GINS4: variants seen among roughly 807,000 people sequenced by gnomAD.
The protein encoded by GINS4 is DNA replication complex GINS protein SLD5.
In GINS4, 20 loss-of-function variants were observed where a neutral mutation model predicts 31.1. The observed-to-expected ratio is 0.64, with a 90% confidence interval of 0.45 to 0.93. The LOEUF is 0.93. Ranked by LOEUF, GINS4 falls within the 40% of genes least tolerant of loss-of-function variation. The pLI, the probability that GINS4 is intolerant of heterozygous loss-of-function variation, is 0.00. For missense variants in GINS4, 245 were observed against 273.9 expected (o/e 0.89, Z 0.75); for synonymous variants, 85 against 97.9 (o/e 0.87, Z 0.78).
At chr8:41,539,632 T>C in intron 4 of GINS4, 46 bp from the exon 5 acceptor site, 1 of 1,339,850 alleles carries the variant, frequency 7.5e-7, no homozygotes, top group Non-Finnish European at 1.1e-6. Context: ...TCCTTCTCTT[T>C]GACTTTTGCC....
At chr8:41,538,962 G>T (rs936560622) in intron 4 of GINS4, among the ~76,000 whole-genome samples, 12 of 151,366 alleles carry the variant, frequency 7.9e-5, no homozygotes, top group Non-Finnish European at 8.8e-5. Context: ...GCCTCCCAAA[G>T]TGCGGGGATT....
Position 41,544,334 on chromosome 8 carries a change from G to A in GINS4, c.*2247G>A, listed in dbSNP as rs911216611. Reference sequence around the variant, plus strand: ...GGTCCCCCACAGTCCTGAGAAGCGGGCAGGGCTGTGGGAAACAGCAGATAT... The same window carrying A: ...GGTCCCCCACAGTCCTGAGAAGCGGACAGGGCTGTGGGAAACAGCAGATAT... On this transcript the variant is annotated 3_prime_UTR_variant, in exon 8 of 8. Coordinates refer to ENST00000276533, the MANE Select transcript of GINS4 (RefSeq NM_032336.3). 6.6e-6 allele frequency: 1 copy of A among 152,194 alleles called. No homozygotes were observed. The highest frequency in any genetic ancestry group is 2.4e-5 in the African/African-American group (1 of 41,444). The allele number at this position is 152,194 out of a possible 1,614,324, so 9.4% of individuals were successfully genotyped here.
rs58647376 is a variant in GINS4 at position 41,539,333 on chromosome 8, A to AAC, written c.298-344_298-343insCA. On this transcript the variant is annotated intron_variant, in intron 4 of 7. Transcript: ENST00000276533. ...AGACTCCATCTCAAAAAAAAAAAAA[A>AAC]AAAAAAAAAACCTTATGTGATTATT... Among the ~76,000 whole-genome samples the AAC allele has an allele frequency of 4.4e-4, 65 of 148,360 alleles. 1 individual carries two copies. The highest frequency in any genetic ancestry group is 7.4e-4 in the African/African-American group (30 of 40,586).
At chr8:41,538,447 C>T (rs1393793075) in intron 4 of GINS4, among the ~76,000 whole-genome samples, 5 of 152,164 alleles carry the variant, frequency 3.3e-5, no homozygotes, top group African/African-American at 1.2e-4. Context: ...TTGACAGGTA[C>T]GCTGCCTGAG....
chr8:41,542,171 C>T lies in GINS4; in HGVS notation c.*84C>T, dbSNP rs958180209. Reference sequence around the variant, plus strand: ...GGCCGAGGCGGGCGGATCATGAGGTCAGGAGTTCGAGACCAACCGACCAAC... The same window carrying T: ...GGCCGAGGCGGGCGGATCATGAGGTTAGGAGTTCGAGACCAACCGACCAAC... On this transcript the variant is annotated 3_prime_UTR_variant, in exon 8 of 8. Transcript: ENST00000276533. 1.0e-6 allele frequency: 1 copy of T among 997,362 alleles called. No individual in the cohort carries two copies. Among genetic ancestry groups the T allele is most frequent in the Non-Finnish European group, 1.6e-6 (1 of 624,562 alleles). 61.8% of individuals were successfully genotyped at this position (997,362 alleles called of 1,614,324 possible).
intron 2 of GINS4, among the ~76,000 whole-genome samples, chr8:41,531,445 C>T (rs1437717303): frequency 6.6e-6 from 1 of 152,150 alleles, no homozygotes; most frequent in Non-Finnish European, 1.5e-5. Context: ...CTCTAACTGC[C>T]CCTTTCCAGA....
intron 1 of GINS4, 176 bp from the exon 2 acceptor site, chr8:41,530,008 T>C: frequency 1.8e-6 from 1 of 548,524 alleles, no homozygotes; most frequent in Non-Finnish European, 3.2e-6. Context: ...ACCTAAGCCT[T>C]GGAGGAAGAG....
intron 2 of GINS4, among the ~76,000 whole-genome samples, chr8:41,532,600 C>T (rs1402409937): frequency 1.3e-5 from 2 of 151,974 alleles, no homozygotes; most frequent in Non-Finnish European, 2.9e-5. Flanking sequence ...TTTGGGAGAC[C>T]GAGAGGGGCG....
At position 41,541,789 on chromosome 8, in the gene GINS4, C is replaced by T; in HGVS notation, c.485-20C>T. On this transcript the variant is annotated intron_variant, in intron 6 of 7. Transcript: ENST00000276533. ...TTGTTGGCCGAGGATTTCCTAATCA[C>T]ATTGTTGTTTTCCTGGCAGTTCCCA... 6.3e-7 allele frequency: 1 copy of T among 1,595,610 alleles called. No homozygotes were observed. The highest frequency in any genetic ancestry group is 1.1e-5 in the South Asian group (1 of 90,516).
chr8:41,539,219 C>G (rs1009258125), intron 4 of GINS4, among the ~76,000 whole-genome samples: 12 of 145,892 alleles, frequency 8.2e-5, no homozygotes, highest in Admixed American at 7.1e-4. Context: ...ACTTGGGAGG[C>G]TGAGGCCGGA....
chr8:41,532,627 G>A (rs1806665824), intron 2 of GINS4, among the ~76,000 whole-genome samples: 1 of 152,086 alleles, frequency 6.6e-6, no homozygotes, highest in South Asian at 2.1e-4. Flanking sequence ...CTGAAGTCAG[G>A]AGTTCAAGAC....
intron 2 of GINS4, among the ~76,000 whole-genome samples, chr8:41,535,560 T>C (rs1806728193): frequency 6.6e-6 from 1 of 152,118 alleles, no homozygotes; most frequent in Non-Finnish European, 1.5e-5. Flanking sequence ...ACGGTGATCA[T>C]GGGGAGAAGC....
intron 2 of GINS4, among the ~76,000 whole-genome samples, chr8:41,532,232 C>T (rs1275479686): frequency 6.6e-6 from 1 of 152,170 alleles, no homozygotes; most frequent in African/African-American, 2.4e-5. Flanking sequence ...TCATACTGCC[C>T]AGTACAGACT....
chr8:41,534,867 C>T (rs1806715297), intron 2 of GINS4, among the ~76,000 whole-genome samples: 1 of 151,874 alleles, frequency 6.6e-6, no homozygotes, highest in South Asian at 2.1e-4. Context: ...GTAGCTGGGA[C>T]TACAGGCGTG....
In GINS4 at chr8:41,542,612, A is replaced by C. The variant is rs1029132947; in HGVS notation, c.*525A>C. 4 of 158,534 alleles carry C rather than the reference A, an allele frequency of 2.5e-5. No homozygotes were observed. Among genetic ancestry groups the C allele is most frequent in the African/African-American group, 9.6e-5 (4 of 41,500 alleles). 9.8% of individuals were successfully genotyped at this position (158,534 alleles called of 1,614,324 possible). A position where few individuals can be genotyped will look rare whatever the true frequency, so the allele number is the denominator to read the frequency against. On this transcript the variant is annotated 3_prime_UTR_variant, in exon 8 of 8. Coordinates refer to ENST00000276533, the MANE Select transcript of GINS4 (RefSeq NM_032336.3). Reference sequence around the variant, plus strand: ...CAGTGAGCCAAGATCGTGCCATTGCACTCTAGCCTGGGCGACAGAGCGAGA... The same window carrying C: ...CAGTGAGCCAAGATCGTGCCATTGCCCTCTAGCCTGGGCGACAGAGCGAGA...
In GINS4 at chr8:41,539,739, C is replaced by T. The variant is rs752880102; in HGVS notation, c.359C>T (p.Ser120Phe). Reference sequence around the variant, plus strand: ...AAAACACGTCCTGAGGGGGAGCCTTCCAGCCTCTCGCCGGAAGAGTTGGCC... The same window carrying T: ...AAAACACGTCCTGAGGGGGAGCCTTTCAGCCTCTCGCCGGAAGAGTTGGCC... ...KEKTRPEGEP[S>F]SLSPEELAFA... The change falls in exon 5 of 8, where the codon TCC becomes TTC. Residue 120 changes from serine to phenylalanine, a missense_variant. Transcript: ENST00000276533. 12 of 1,614,092 alleles carry T rather than the reference C, an allele frequency of 7.4e-6. No individual in the cohort carries two copies. The highest frequency in any genetic ancestry group is 1.1e-5 in the South Asian group (1 of 91,082).
At chr8:41,534,552 A>G in intron 2 of GINS4, 1 of 174,122 alleles carries the variant, frequency 5.7e-6, no homozygotes, top group Non-Finnish European at 1.2e-5. Flanking sequence ...CATAATGTAA[A>G]TGAAGTGGTC....
rs1806855994 is a variant in GINS4 at position 41,542,253 on chromosome 8, G to A, written c.*166G>A. 1.6e-6 allele frequency: 1 copy of A among 623,652 alleles called. No homozygotes were observed. The highest frequency in any genetic ancestry group is 2.9e-6 in the Non-Finnish European group (1 of 343,828). The allele number at this position is 623,652 out of a possible 1,614,324, so 38.6% of individuals were successfully genotyped here. A position where few individuals can be genotyped will look rare whatever the true frequency, so the allele number is the denominator to read the frequency against. ...AAATAATTAGCCGGGTGTTGGTGGT[G>A]TGCACCTGTAATCCCAGCTACTCAG... On this transcript the variant is annotated 3_prime_UTR_variant, in exon 8 of 8. Coordinates refer to ENST00000276533, the MANE Select transcript of GINS4 (RefSeq NM_032336.3).
chr8:41,541,319 C>T (rs1283228249), intron 6 of GINS4, among the ~76,000 whole-genome samples: 1 of 152,098 alleles, frequency 6.6e-6, no homozygotes, highest in South Asian at 2.1e-4. Context: ...ATTGATCCTC[C>T]AGCCTCAGCC....
Sources: gnomAD v4.1 joint callset for allele counts (sites outside exome capture counted in the v4.1 genomes callset) on GRCh38, gnomAD v4.1.1 for gene constraint, MANE v1.5 for transcripts, NCBI Gene and HGNC (gene_info 2026-07-23, HGNC 2026-07-21) for gene names.